Variants in COL25A1 observed in about 807,000 individuals in gnomAD.
The protein encoded by COL25A1 is collagen alpha-1(XXV) chain.
A neutral mutation model predicts 128.4 loss-of-function variants in COL25A1; 103 were observed. The ratio of observed to expected loss-of-function variants is 0.80; its 90% CI spans 0.68 to 0.94. The LOEUF is 0.94. Ranked by LOEUF, COL25A1 falls within the 40% of genes least tolerant of loss-of-function variation. The pLI, the probability that COL25A1 is intolerant of heterozygous loss-of-function variation, is 0.00. For missense variants in COL25A1, 745 were observed against 840.0 expected (o/e 0.89, Z 1.40); for synonymous variants, 279 against 277.2 (o/e 1.01, Z -0.06).
intron 11 of COL25A1, among the ~76,000 whole-genome samples, chr4:108,932,104 A>G (rs1422116663): frequency 6.6e-6 from 1 of 152,166 alleles, no homozygotes; most frequent in Non-Finnish European, 1.5e-5. Flanking sequence ...CCAAATCAGG[A>G]AGTCTGCTGT....
chr4:108,823,484 T>C (rs1241067070), intron 35 of COL25A1, among the ~76,000 whole-genome samples: 3 of 152,054 alleles, frequency 2.0e-5, no homozygotes, highest in African/African-American at 7.2e-5. Flanking sequence ...AAAGGAAAAA[T>C]TGACTTTTAA....
intron 3 of COL25A1, among the ~76,000 whole-genome samples, chr4:109,129,738 T>C (rs1254670275): frequency 6.6e-6 from 1 of 152,184 alleles, no homozygotes; most frequent in African/African-American, 2.4e-5. Context: ...GTGGCACCCA[T>C]ACCATATTTT....
At chr4:108,874,004 A>C (rs1205504726) in intron 19 of COL25A1, among the ~76,000 whole-genome samples, 1 of 152,230 alleles carries the variant, frequency 6.6e-6, no homozygotes, top group African/African-American at 2.4e-5. Context: ...GGCAAAAGGC[A>C]ATGACAGCCT....
intron 3 of COL25A1, among the ~76,000 whole-genome samples, chr4:109,135,438 ACTG>A (rs1254837927): frequency 4.6e-5 from 7 of 152,192 alleles, no homozygotes; most frequent in Admixed American, 2.6e-4. Context: ...GGAAATACAT[ACTG>A]CTATGTCCCT....
chr4:108,905,931 A>C (rs1053422508), intron 13 of COL25A1, among the ~76,000 whole-genome samples: 6 of 151,894 alleles, frequency 4.0e-5, no homozygotes, highest in African/African-American at 1.2e-4. Context: ...AGGGTCCAGG[A>C]GATCAAGTTC....
At chr4:109,288,962 T>TATATACACACACACACAC (rs1021982305) in intron 3 of COL25A1, among the ~76,000 whole-genome samples, 2 of 133,532 alleles carry the variant, frequency 1.5e-5, no homozygotes, top group African/African-American at 5.5e-5. Flanking sequence ...AAATTATATA[T>TATATACACACACACACAC]ACACACACAC....
At chr4:109,130,511 C>T (rs1769089545) in intron 3 of COL25A1, among the ~76,000 whole-genome samples, 1 of 151,948 alleles carries the variant, frequency 6.6e-6, no homozygotes, top group Non-Finnish European at 1.5e-5. Context: ...AGATAGAAAT[C>T]GTTCTGAATC....
At chr4:108,969,146 T>C (rs1023764857) in intron 8 of COL25A1, among the ~76,000 whole-genome samples, 14 of 152,184 alleles carry the variant, frequency 9.2e-5, no homozygotes, top group African/African-American at 3.4e-4. Context: ...CTTTGTCTAC[T>C]CAGGTGTTTG....
At chr4:108,905,888 G>A (rs1021895584) in intron 13 of COL25A1, among the ~76,000 whole-genome samples, 1 of 151,804 alleles carries the variant, frequency 6.6e-6, no homozygotes, top group Non-Finnish European at 1.5e-5. Flanking sequence ...GAGACTAGAA[G>A]CAAGCTCTGG....
chr4:108,844,141 G>A (rs1040508966), intron 30 of COL25A1, among the ~76,000 whole-genome samples: 4 of 152,092 alleles, frequency 2.6e-5, no homozygotes, highest in African/African-American at 9.7e-5. Context: ...TGCCCACCTC[G>A]GCCTCCCAAA....
intron 20 of COL25A1, among the ~76,000 whole-genome samples, chr4:108,866,533 G>T (rs971011432): frequency 6.6e-6 from 1 of 152,150 alleles, no homozygotes; most frequent in African/African-American, 2.4e-5. Flanking sequence ...GTCCCTCTCA[G>T]GCACTAATGT....
At chr4:109,196,333 C>A (rs1173906420) in intron 3 of COL25A1, among the ~76,000 whole-genome samples, 3 of 152,030 alleles carry the variant, frequency 2.0e-5, no homozygotes, top group Non-Finnish European at 4.4e-5. Flanking sequence ...AAGTTTTCCA[C>A]ATAGTTTATA....
At chr4:108,962,779 TA>T (rs1175345546) in intron 8 of COL25A1, among the ~76,000 whole-genome samples, 1 of 152,162 alleles carries the variant, frequency 6.6e-6, no homozygotes, top group Non-Finnish European at 1.5e-5. Context: ...TTTGTGCTAA[TA>T]AAACCCACTA....
chr4:108,988,919 T>G (rs1380310477), intron 6 of COL25A1, among the ~76,000 whole-genome samples: 2 of 152,170 alleles, frequency 1.3e-5, no homozygotes, highest in African/African-American at 2.4e-5. Flanking sequence ...TTTCTGTCTT[T>G]TCTTCCCCTC....
chr4:108,991,966 TTAA>T (rs1754276119), intron 6 of COL25A1, among the ~76,000 whole-genome samples: 1 of 152,038 alleles, frequency 6.6e-6, no homozygotes, highest in Non-Finnish European at 1.5e-5. Flanking sequence ...TGAAATGAAA[TTAA>T]TAATTAGAAC....
intron 3 of COL25A1, among the ~76,000 whole-genome samples, chr4:109,277,861 C>T (rs1201111045): frequency 1.3e-5 from 2 of 152,122 alleles, no homozygotes; most frequent in Admixed American, 6.5e-5. Context: ...ATTGGCCGGA[C>T]ATGGTGGCTC....
chr4:109,095,373 G>T (rs1765304769), intron 3 of COL25A1, among the ~76,000 whole-genome samples: 1 of 152,102 alleles, frequency 6.6e-6, no homozygotes, highest in Non-Finnish European at 1.5e-5. Context: ...ATATACTGGT[G>T]TTTTTTTAAA....
chr4:108,978,499 T>C (rs1752655274), intron 6 of COL25A1, among the ~76,000 whole-genome samples: 1 of 152,220 alleles, frequency 6.6e-6, no homozygotes, highest in Non-Finnish European at 1.5e-5. Context: ...AAAGAAAGGT[T>C]TATTTGAACA....
intron 8 of COL25A1, among the ~76,000 whole-genome samples, chr4:108,968,248 G>A (rs1010891776): frequency 9.2e-5 from 14 of 152,134 alleles, no homozygotes; most frequent in Non-Finnish European, 1.8e-4. Context: ...AGTTAATGCC[G>A]AAAAGTTAGC....
Sources: allele counts gnomAD v4.1 joint callset (sites outside exome capture counted in the v4.1 genomes callset), GRCh38; gene constraint gnomAD v4.1.1; transcripts MANE v1.5; gene names NCBI Gene and HGNC (gene_info 2026-07-23, HGNC 2026-07-21).